The following FNIP1 variants were observed in gnomAD, a reference collection of about 807,000 sequenced individuals.
The protein encoded by FNIP1 is folliculin-interacting protein 1.
FNIP1 carries 40 observed loss-of-function variants against 124.5 expected under a neutral mutation model. The ratio of observed to expected loss-of-function variants is 0.32; its 90% CI spans 0.25 to 0.42. The LOEUF (loss-of-function observed/expected upper bound fraction) is 0.42. FNIP1 is among the 10% of genes least tolerant of loss of function. The pLI is 1.00. For missense variants in FNIP1, 1,176 were observed against 1,403.7 expected, an observed-to-expected ratio of 0.84 and a Z score of 2.59; for synonymous variants, 472 against 470.6, an observed-to-expected ratio of 1.00 and a Z score of -0.04.
At chr5:131,719,288 C>G in intron 4 of FNIP1, 29 bp downstream of exon 4, 11 of 1,573,994 alleles carry the variant, frequency 7.0e-6, no homozygotes, top group Non-Finnish European at 9.5e-6. Context: ...AAATGGGACT[C>G]GTTAAAAAAA....
chr5:131,744,721 C>T (rs1458372110), intron 1 of FNIP1, 31 bp from the exon 2 acceptor site: 4 of 1,573,962 alleles, frequency 2.5e-6, no homozygotes, highest in East Asian at 2.3e-5. Flanking sequence ...AAGTAAAGAT[C>T]CATTAGAGTT....
intron 1 of FNIP1, among the ~76,000 whole-genome samples, chr5:131,789,997 G>A (rs1772350821): frequency 6.6e-6 from 1 of 152,106 alleles, no homozygotes; most frequent in African/African-American, 2.4e-5. Flanking sequence ...TCATCTCTAC[G>A]TGGGCATCTC....
In FNIP1 at chr5:131,647,299, G is replaced by C. The variant is rs1766914727; in HGVS notation, c.3307-94C>G. ...AAAACATAATGTTTTTGACAATTCT[G>C]TTTGTTTATTTCAATATGAACTAAA... On this transcript the variant is annotated intron_variant, in intron 16 of 17. Coordinates refer to ENST00000510461, the MANE Select transcript of FNIP1 (RefSeq NM_133372.3). The C allele has an allele frequency of 3.4e-6, 3 of 877,958 alleles. No homozygotes were observed. The South Asian group carries it at 4.4e-5, about 13-fold the overall frequency. The allele number at this position is 877,958 out of a possible 1,614,324, so 54.4% of individuals were successfully genotyped here.
intron 16 of FNIP1, among the ~76,000 whole-genome samples, chr5:131,651,370 G>T (rs140103119): frequency 2.9e-3 from 446 of 152,258 alleles, no homozygotes; most frequent in Non-Finnish European, 5.4e-3. Context: ...TCCAACCCAG[G>T]TGATGGGATT....
chr5:131,731,028 C>T lies in FNIP1; in HGVS notation c.230G>A (p.Ser77Asn), dbSNP rs760791986. 2 of 1,607,438 alleles carry T rather than the reference C, an allele frequency of 1.2e-6. No individual in the cohort carries two copies. The highest frequency in any genetic ancestry group is 1.1e-5 in the South Asian group (1 of 89,244). ...CCCAAAGACTTTAACTTGAGCATCA[C>T]TGCCGAGTTTCTGAAATAACAGATA... ...NEDISVSKLG[S>N]DAQVKVFGKC... The change falls in exon 3 of 18, where the codon AGT becomes AAT. Residue 77 changes from serine to asparagine, a missense_variant. Physicochemically the swap from Ser to Asn is conservative, Grantham distance 46. Transcript: ENST00000510461.
intron 9 of FNIP1, among the ~76,000 whole-genome samples, chr5:131,704,651 A>G (rs1769018839): frequency 6.6e-6 from 1 of 152,182 alleles, no homozygotes; most frequent in South Asian, 2.1e-4. Flanking sequence ...GTCAAAGATG[A>G]AGGAATAAAG....
intron 1 of FNIP1, among the ~76,000 whole-genome samples, chr5:131,765,391 T>C (rs1252028949): frequency 2.0e-5 from 3 of 152,124 alleles, no homozygotes; most frequent in Non-Finnish European, 2.9e-5. Context: ...AGATGCATCA[T>C]AAACTGTTTT....
chr5:131,659,053 C>T (rs923815053), intron 15 of FNIP1, among the ~76,000 whole-genome samples: 1 of 151,970 alleles, frequency 6.6e-6, no homozygotes, highest in Admixed American at 6.6e-5. Context: ...CGCCTAGAAG[C>T]ATTTGCGATG....
At chr5:131,780,432 C>T (rs568563400) in intron 1 of FNIP1, among the ~76,000 whole-genome samples, 16 of 152,122 alleles carry the variant, frequency 1.1e-4, no homozygotes, top group African/African-American at 1.9e-4. Flanking sequence ...TATTGAACTC[C>T]GCTTTATTGC....
intron 5 of FNIP1, 65 bp downstream of exon 5, chr5:131,718,921 T>C (rs926198770): frequency 3.0e-6 from 4 of 1,333,652 alleles, no homozygotes; most frequent in African/African-American, 1.4e-5. Flanking sequence ...TAAAAGCAGT[T>C]GGTTAGTTTT....
At chr5:131,664,697 C>T (rs541991329) in intron 15 of FNIP1, among the ~76,000 whole-genome samples, 1 of 143,308 alleles carries the variant, frequency 7.0e-6, no homozygotes, top group South Asian at 2.2e-4. Flanking sequence ...TATGACAAAA[C>T]CATGCAATAA....
intron 3 of FNIP1, among the ~76,000 whole-genome samples, chr5:131,720,414 C>T (rs1769619443): frequency 6.6e-6 from 1 of 152,144 alleles, no homozygotes; most frequent in Non-Finnish European, 1.5e-5. Context: ...AGGAGAAAAG[C>T]TTGATGACAT....
Position 131,647,290 on chromosome 5 carries a change from G to C in FNIP1, c.3307-85C>G, listed in dbSNP as rs1321382834. 11 of 949,206 alleles carry C rather than the reference G, an allele frequency of 1.2e-5. No homozygotes were observed. The Admixed American group carries it at 1.9e-4, about 16-fold the overall frequency. 58.8% of individuals were successfully genotyped at this position (949,206 alleles called of 1,614,324 possible). A position where few individuals can be genotyped will look rare whatever the true frequency, so the allele number is the denominator to read the frequency against. ...GCAAACTCCAAAACATAATGTTTTT[G>C]ACAATTCTGTTTGTTTATTTCAATA... On this transcript the variant is annotated intron_variant, in intron 16 of 17. Coordinates refer to ENST00000510461, the MANE Select transcript of FNIP1 (RefSeq NM_133372.3).
rs139181588 is a variant in FNIP1, at chr5:131,672,346, C to G, written c.2098G>C (p.Glu700Gln). Residue 700 changes from glutamate to glutamine, a missense_variant, in exon 14 of 18, where the codon GAG becomes CAG. Around this residue, in one of 2 missense-constraint regions of FNIP1, gnomAD observed 1,109 missense variants for 1,288.5 expected, o/e 0.86. Coordinates refer to ENST00000510461, the MANE Select transcript of FNIP1 (RefSeq NM_133372.3). The stretch of plus-strand genomic sequence containing the variant: ...CTCTGCCATGTTTCCTCTGTTGACT[C>G]TAAGCCTGACTCTGACAATGCACAT... ...DKCALSESGL[E>Q]STEETWQSEK... 2.0e-4 allele frequency: 322 copies of G among 1,614,192 alleles called. 2 individuals carry two copies. The African/African-American group carries it at 3.9e-3, about 20-fold the overall frequency.
At chr5:131,734,258 G>C (rs1770206387) in intron 2 of FNIP1, among the ~76,000 whole-genome samples, 1 of 151,848 alleles carries the variant, frequency 6.6e-6, no homozygotes, top group African/African-American at 2.4e-5. Context: ...CAATTTTGTT[G>C]ATCTTTTCAA....
rs533453701 is a variant in FNIP1, at chr5:131,769,993, C to T, written c.93-25303G>A. On this transcript the variant is annotated intron_variant, in intron 1 of 17. Transcript: ENST00000510461. Reference sequence around the variant, plus strand: ...CTGGTCCAGAGTAAGAGTGCTCAGGCAACCAATGGCTTAGAACCCAGGTCT... The same window carrying T: ...CTGGTCCAGAGTAAGAGTGCTCAGGTAACCAATGGCTTAGAACCCAGGTCT... Among the ~76,000 whole-genome samples the T allele has an allele frequency of 2.6e-5, 4 of 152,328 alleles. No homozygotes were observed. The East Asian group carries it at 7.7e-4, about 29-fold the overall frequency.
At chr5:131,712,867 T>C (rs1769342675) in intron 6 of FNIP1, among the ~76,000 whole-genome samples, 1 of 152,220 alleles carries the variant, frequency 6.6e-6, no homozygotes, top group Non-Finnish European at 1.5e-5. Flanking sequence ...CATTCTGATG[T>C]CTATTCTCCC....
intron 17 of FNIP1, among the ~76,000 whole-genome samples, chr5:131,646,633 T>A (rs1027790727): frequency 1.3e-5 from 2 of 152,194 alleles, no homozygotes; most frequent in African/African-American, 4.8e-5. Context: ...GCATTTTTGA[T>A]AACTGTTTTC....
At chr5:131,758,028 C>A (rs986291763) in intron 1 of FNIP1, among the ~76,000 whole-genome samples, 1 of 152,032 alleles carries the variant, frequency 6.6e-6, no homozygotes, top group South Asian at 2.1e-4. Context: ...ATTCCCTTTA[C>A]CTTATAATAG....
Sources: gnomAD v4.1 joint callset for allele counts (sites outside exome capture counted in the v4.1 genomes callset) on GRCh38, gnomAD v4.1.1 for gene constraint, gnomAD v4.1.1 regional missense constraint, MANE v1.5 for transcripts, NCBI Gene and HGNC (gene_info 2026-07-23, HGNC 2026-07-21) for gene names.